The following BCHE variants were observed in gnomAD, a reference collection of about 807,000 sequenced individuals.
The protein encoded by BCHE is butyrylcholinesterase.
A neutral mutation model predicts 51.3 loss-of-function variants in BCHE; 48 were observed. The observed-to-expected ratio is 0.94, with a 90% CI of 0.74 to 1.19. The LOEUF is 1.19. Among genes scored for constraint, BCHE ranks in the 50% most tolerant of loss-of-function variants. The probability of loss-of-function intolerance (pLI) is 0.00; values close to 1 mark genes in which losing one functional copy is unlikely to be tolerated. For synonymous variants in BCHE, 251 were observed against 238.0 expected, an observed-to-expected ratio of 1.05 and a Z score of -0.50; for missense variants, 847 against 708.2, an observed-to-expected ratio of 1.20 and a Z score of -2.23.
chr3:165,833,663 A>G (rs1054246412), intron 1 of BCHE, among the ~76,000 whole-genome samples: 1 of 152,178 alleles, frequency 6.6e-6, no homozygotes, highest in South Asian at 2.1e-4. Context: ...AACATTTCAG[A>G]CATAATCAAA....
chr3:165,786,418 G>T (rs1333241304), intron 2 of BCHE, 107 bp from the exon 3 acceptor site: 2 of 1,072,248 alleles, frequency 1.9e-6, no homozygotes, highest in Non-Finnish European at 2.7e-6. Flanking sequence ...ATTTAAGACA[G>T]AAAAAATGTG....
intron 3 of BCHE, among the ~76,000 whole-genome samples, chr3:165,781,223 C>T (rs746944873): frequency 2.0e-5 from 3 of 152,038 alleles, no homozygotes; most frequent in Non-Finnish European, 2.9e-5. Flanking sequence ...TGCACTCCAG[C>T]CTAGGCAACA....
At chr3:165,781,423 T>C (rs538931322) in intron 3 of BCHE, among the ~76,000 whole-genome samples, 1 of 152,276 alleles carries the variant, frequency 6.6e-6, no homozygotes, top group African/African-American at 2.4e-5. Context: ...TGAGATAATG[T>C]CCTTTGCAGG....
chr3:165,790,492 G>A (rs141218580), intron 2 of BCHE, among the ~76,000 whole-genome samples: 1 of 152,242 alleles, frequency 6.6e-6, no homozygotes, highest in East Asian at 1.9e-4. Flanking sequence ...TAATTACAGG[G>A]CTTTTCTGAG....
intron 2 of BCHE, among the ~76,000 whole-genome samples, chr3:165,816,597 T>C (rs1421267843): frequency 2.0e-5 from 3 of 152,078 alleles, no homozygotes; most frequent in Non-Finnish European, 4.4e-5. Flanking sequence ...CACCACATCT[T>C]TGCTACCAAT....
At chr3:165,791,254 C>T (rs1713153576) in intron 2 of BCHE, among the ~76,000 whole-genome samples, 1 of 151,436 alleles carries the variant, frequency 6.6e-6, no homozygotes. Flanking sequence ...GAGATCACAC[C>T]ATGGCACTGC....
chr3:165,789,254 T>C (rs1206622827), intron 2 of BCHE, among the ~76,000 whole-genome samples: 2 of 151,982 alleles, frequency 1.3e-5, no homozygotes, highest in Non-Finnish European at 2.9e-5. Context: ...TTTCTTCATA[T>C]GTAGGTTTGA....
At chr3:165,802,498 C>G (rs1713693087) in intron 2 of BCHE, among the ~76,000 whole-genome samples, 1 of 152,012 alleles carries the variant, frequency 6.6e-6, no homozygotes, top group African/African-American at 2.4e-5. Context: ...AGAAAACATA[C>G]CTTGGTGGCT....
At chr3:165,796,450 C>T (rs1713380468) in intron 2 of BCHE, among the ~76,000 whole-genome samples, 1 of 152,052 alleles carries the variant, frequency 6.6e-6, no homozygotes, top group South Asian at 2.1e-4. Context: ...TTACTAGATC[C>T]TAATGAAGAG....
At chr3:165,790,041 G>A (rs1713108460) in intron 2 of BCHE, among the ~76,000 whole-genome samples, 1 of 152,054 alleles carries the variant, frequency 6.6e-6, no homozygotes, top group South Asian at 2.1e-4. Context: ...AATAGAAATG[G>A]CGGGTGAGTA....
At chr3:165,825,708 C>G (rs1042980400) in intron 2 of BCHE, among the ~76,000 whole-genome samples, 1 of 151,984 alleles carries the variant, frequency 6.6e-6, no homozygotes, top group Non-Finnish European at 1.5e-5. Flanking sequence ...CCCGCTCACC[C>G]CACCCCACAA....
intron 2 of BCHE, among the ~76,000 whole-genome samples, chr3:165,795,271 C>T (rs115605374): frequency 2.0e-4 from 31 of 152,246 alleles, no homozygotes; most frequent in Middle Eastern, 3.4e-3. Flanking sequence ...GATGAGGAGT[C>T]ATTATATAGA....
chr3:165,779,135 C>T (rs1712584451), intron 3 of BCHE, among the ~76,000 whole-genome samples: 1 of 152,102 alleles, frequency 6.6e-6, no homozygotes, highest in East Asian at 1.9e-4. Context: ...TAATCTCGTA[C>T]TACGGATGCA....
At chr3:165,798,675 T>A (rs1713520842) in intron 2 of BCHE, among the ~76,000 whole-genome samples, 1 of 152,124 alleles carries the variant, frequency 6.6e-6, no homozygotes, top group Admixed American at 6.6e-5. Context: ...AAAATTGATA[T>A]TACTGTTTCC....
chr3:165,796,619 T>A (rs1206379058), intron 2 of BCHE, among the ~76,000 whole-genome samples: 1 of 152,210 alleles, frequency 6.6e-6, no homozygotes, highest in Non-Finnish European at 1.5e-5. Flanking sequence ...TGTGTTTTTT[T>A]AATCCTAAAT....
At chr3:165,810,797 G>T (rs1714064368) in intron 2 of BCHE, among the ~76,000 whole-genome samples, 1 of 151,928 alleles carries the variant, frequency 6.6e-6, no homozygotes, top group Middle Eastern at 3.2e-3. Flanking sequence ...AAAATATTTT[G>T]GTCTTTAGTA....
chr3:165,823,489 A>G (rs1215451250), intron 2 of BCHE, among the ~76,000 whole-genome samples: 10 of 152,076 alleles, frequency 6.6e-5, no homozygotes, highest in Non-Finnish European at 2.9e-5. Flanking sequence ...CAAACCTATG[A>G]CAGTTAAGAA....
chr3:165,808,085 G>A (rs1465977469), intron 2 of BCHE, among the ~76,000 whole-genome samples: 1 of 151,970 alleles, frequency 6.6e-6, no homozygotes, highest in Non-Finnish European at 1.5e-5. Context: ...AAGAGTTCAC[G>A]CCATTCTCCT....
intron 2 of BCHE, among the ~76,000 whole-genome samples, chr3:165,828,547 C>T (rs772974378): frequency 8.6e-5 from 13 of 152,030 alleles, no homozygotes; most frequent in Admixed American, 7.2e-4. Flanking sequence ...ATGTAACTAT[C>T]GGCATTTTGT....
Sources: allele counts gnomAD v4.1 joint callset (sites outside exome capture counted in the v4.1 genomes callset), GRCh38; gene constraint gnomAD v4.1.1; transcripts MANE v1.5; gene names NCBI Gene and HGNC (gene_info 2026-07-23, HGNC 2026-07-21).